GLCCI1: variants seen among roughly 807,000 people sequenced by gnomAD.
The protein encoded by GLCCI1 is glucocorticoid-induced transcript 1 protein.
GLCCI1 carries 24 observed loss-of-function variants against 52.2 expected under a neutral mutation model. The observed-to-expected ratio is 0.46, with a 90% confidence interval of 0.33 to 0.65. The LOEUF is 0.65. GLCCI1 is among the 30% of genes least tolerant of loss of function. GLCCI1 has a pLI of 0.02. For missense variants in GLCCI1, 704 were observed against 701.5 expected (o/e 1.00, Z -0.04); for synonymous variants, 310 against 276.5 (o/e 1.12, Z -1.20).
At chr7:7,998,182 T>G (rs1016274947) in intron 1 of GLCCI1, among the ~76,000 whole-genome samples, 7 of 150,014 alleles carry the variant, frequency 4.7e-5, no homozygotes, top group Admixed American at 2.0e-4. Context: ...TTTTGTTTTT[T>G]TTTTTTTTTG....
In GLCCI1 at chr7:8,079,598, CTGT is replaced by C. The variant is rs558052110; in HGVS notation, c.1178-5294_1178-5292del. Among the ~76,000 whole-genome samples the C allele has an allele frequency of 3.0e-4, 45 of 151,556 alleles. 2 individuals are homozygous for C. Among genetic ancestry groups the C allele is most frequent in the Admixed American group, 1.8e-3 (27 of 15,272 alleles). ...AGCATATCAACAATAATGATTAGCA[CTGT>C]TGTTCTGCATATCAAGATTATGTTG... is the stretch of plus-strand genomic sequence containing the variant. On this transcript the variant is annotated intron_variant, in intron 6 of 7. Coordinates refer to ENST00000223145, the MANE Select transcript of GLCCI1 (RefSeq NM_138426.4).
At chr7:7,989,473 A>G (rs972820035) in intron 1 of GLCCI1, among the ~76,000 whole-genome samples, 3 of 152,120 alleles carry the variant, frequency 2.0e-5, no homozygotes, top group African/African-American at 7.2e-5. Flanking sequence ...CCTGAATTCA[A>G]GTTGTTTTTT....
chr7:8,086,601 C>A lies in GLCCI1; in HGVS notation c.*63C>A. 1 of 1,303,882 alleles carries A rather than the reference C, an allele frequency of 7.7e-7. No individual in the cohort carries two copies. Among genetic ancestry groups the A allele is most frequent in the Non-Finnish European group, 1.1e-6 (1 of 941,608 alleles). 80.8% of individuals were successfully genotyped at this position (1,303,882 alleles called of 1,614,324 possible). A position where few individuals can be genotyped will look rare whatever the true frequency, so the allele number is the denominator to read the frequency against. On this transcript the variant is annotated 3_prime_UTR_variant, in exon 8 of 8. Coordinates refer to ENST00000223145, the MANE Select transcript of GLCCI1 (RefSeq NM_138426.4). This position sits in a 1 kb window ranked among gnomAD's most constrained non-coding sequence, Gnocchi z 4.4. ...TTCGGAACAAGATTTCAGACATCTG[C>A]ATGAGTGACAAACTTTCTGAACACC...
chr7:8,049,469 G>A (rs1421884810), intron 3 of GLCCI1, among the ~76,000 whole-genome samples: 1 of 151,960 alleles, frequency 6.6e-6, no homozygotes, highest in Non-Finnish European at 1.5e-5. Flanking sequence ...TATTTATCCA[G>A]TAAAGTCTCT....
intron 5 of GLCCI1, among the ~76,000 whole-genome samples, chr7:8,069,869 T>G (rs1562449472): frequency 6.6e-6 from 1 of 152,186 alleles, no homozygotes; most frequent in Non-Finnish European, 1.5e-5. Flanking sequence ...ACACAATAAA[T>G]AGTGAAAATA....
At chr7:8,056,837 A>T (rs1459977335) in intron 4 of GLCCI1, among the ~76,000 whole-genome samples, 2 of 152,186 alleles carry the variant, frequency 1.3e-5, no homozygotes, top group Non-Finnish European at 2.9e-5. Flanking sequence ...TCCTAACAAT[A>T]AAATATTAGT....
intron 6 of GLCCI1, among the ~76,000 whole-genome samples, chr7:8,077,967 G>T (rs1013125702): frequency 9.2e-5 from 14 of 152,146 alleles, no homozygotes; most frequent in African/African-American, 3.4e-4. Flanking sequence ...GGGCGCGGTG[G>T]CTCACGCCTG....
intron 6 of GLCCI1, among the ~76,000 whole-genome samples, chr7:8,072,286 C>A (rs1013559961): frequency 1.3e-5 from 2 of 152,192 alleles, no homozygotes; most frequent in Non-Finnish European, 2.9e-5. Flanking sequence ...CCTAACTCTT[C>A]TAAGATATTA....
At chr7:8,018,032 A>G (rs967791560) in intron 2 of GLCCI1, among the ~76,000 whole-genome samples, 2 of 152,208 alleles carry the variant, frequency 1.3e-5, no homozygotes, top group African/African-American at 4.8e-5. Context: ...AAACTTTTTT[A>G]TAATTTAAGA....
In GLCCI1 at chr7:8,038,887, C is replaced by G. The variant is rs560138031; in HGVS notation, c.696+16318C>G. Among the ~76,000 whole-genome samples the G allele has an allele frequency of 4.0e-4, 61 of 152,116 alleles. No homozygotes were observed. In the South Asian group the frequency reaches 0.012, roughly 30 times the overall value. Reference sequence around the variant, plus strand: ...CTGACAAAGGACTAATGCACAGAATCTACAAGGAAGTCAAACAATGCAACA... The same window carrying G: ...CTGACAAAGGACTAATGCACAGAATGTACAAGGAAGTCAAACAATGCAACA... On this transcript the variant is annotated intron_variant, in intron 3 of 7. Coordinates refer to ENST00000223145, the MANE Select transcript of GLCCI1 (RefSeq NM_138426.4).
Position 7,992,546 on chromosome 7 carries a change from A to T in GLCCI1, c.458-11362A>T, listed in dbSNP as rs79570824. Among the ~76,000 whole-genome samples, 998 of 152,176 alleles carry T rather than the reference A, an allele frequency of 6.6e-3. 28 individuals carry two copies. In the East Asian group the frequency reaches 0.085, roughly 13 times the overall value. ...GAAGGTCACTTTAGCTTTATCAGAT[A>T]TATTTGATATGTTGATTATTTTCCC... On this transcript the variant is annotated intron_variant, in intron 1 of 7. Coordinates refer to ENST00000223145, the MANE Select transcript of GLCCI1 (RefSeq NM_138426.4).
intron 5 of GLCCI1, among the ~76,000 whole-genome samples, chr7:8,065,815 G>C (rs1024402189): frequency 7.9e-5 from 12 of 152,094 alleles, no homozygotes; most frequent in Admixed American, 6.5e-4. Flanking sequence ...TTTTGTTGAG[G>C]ATTTTTGCAT....
chr7:8,018,939 G>C (rs2127947435), intron 2 of GLCCI1, among the ~76,000 whole-genome samples: 1 of 152,262 alleles, frequency 6.6e-6, no homozygotes, highest in Middle Eastern at 3.4e-3. Flanking sequence ...GTTGGAAGGG[G>C]CTGCTTGCTG....
At chr7:8,061,173 C>T (rs1001834036) in intron 5 of GLCCI1, among the ~76,000 whole-genome samples, 1 of 150,690 alleles carries the variant, frequency 6.6e-6, no homozygotes, top group African/African-American at 2.4e-5. Context: ...GATCTCGGCT[C>T]ACTGCAAGCT....
At chr7:8,047,783 G>A (rs893586850) in intron 3 of GLCCI1, among the ~76,000 whole-genome samples, 1 of 152,174 alleles carries the variant, frequency 6.6e-6, no homozygotes, top group African/African-American at 2.4e-5. Context: ...TCCTTATTCA[G>A]TGACAGAAGT....
At chr7:7,972,292 C>T (rs1310279201) in intron 1 of GLCCI1, among the ~76,000 whole-genome samples, 2 of 152,068 alleles carry the variant, frequency 1.3e-5, no homozygotes, top group African/African-American at 4.8e-5. Context: ...CTCTGCTCTC[C>T]ACCTCCTCCT....
chr7:8,025,828 C>CA (rs572735564), intron 3 of GLCCI1, among the ~76,000 whole-genome samples: 20 of 152,210 alleles, frequency 1.3e-4, no homozygotes, highest in Admixed American at 3.9e-4. Flanking sequence ...GAAAAAAAAC[C>CA]AAAAAACTGT....
At position 8,030,603 on chromosome 7, in the gene GLCCI1, A is replaced by G. The variant is rs544959016; in HGVS notation, c.696+8034A>G. On this transcript the variant is annotated intron_variant, in intron 3 of 7. Coordinates refer to ENST00000223145, the MANE Select transcript of GLCCI1 (RefSeq NM_138426.4). The stretch of plus-strand genomic sequence containing the variant: ...TCAACAGTGTGAAGAGACATCCCAC[A>G]GAATGGGAGAAAATATTTGCAAACT... Among the ~76,000 whole-genome samples the G allele has an allele frequency of 2.0e-5, 3 of 152,308 alleles. No individual in the cohort carries two copies. The East Asian group carries it at 5.8e-4, about 29-fold the overall frequency.
At chr7:8,008,418 T>C (rs1781199849) in intron 2 of GLCCI1, among the ~76,000 whole-genome samples, 1 of 152,008 alleles carries the variant, frequency 6.6e-6, no homozygotes, top group Non-Finnish European at 1.5e-5. Context: ...CCCAAGTAGC[T>C]GGGAATTAGC....
Sources: gnomAD v4.1 joint callset for allele counts (sites outside exome capture counted in the v4.1 genomes callset) on GRCh38, gnomAD v4.1.1 for gene constraint, Gnocchi (gnomAD v3.1) non-coding constraint, MANE v1.5 for transcripts, NCBI Gene and HGNC (gene_info 2026-07-23, HGNC 2026-07-21) for gene names.